ADAMTSL1: variants seen among roughly 807,000 people sequenced by gnomAD.
ADAMTSL1 encodes the protein ADAMTS like 1, also known as ADAMTS-like protein 1.
In ADAMTSL1, 126 loss-of-function variants were observed where a neutral mutation model predicts 201.8. The observed-to-expected ratio is 0.62, with a 90% CI of 0.54 to 0.72. The LOEUF (loss-of-function observed/expected upper bound fraction) is 0.72, where lower values mean the gene tolerates loss of function less well. ADAMTSL1 is among the 30% of genes least tolerant of loss of function. The pLI is 0.00. For synonymous variants in ADAMTSL1, 1,121 were observed against 903.4 expected (o/e 1.24, Z -4.32); for missense variants, 2,679 against 2,277.8 (o/e 1.18, Z -3.59).
At chr9:18,209,292 T>C (rs1420418632) in intron 2 of ADAMTSL1, among the ~76,000 whole-genome samples, 2 of 152,224 alleles carry the variant, frequency 1.3e-5, no homozygotes, top group Admixed American at 6.5e-5. Flanking sequence ...GGTTTATTAT[T>C]ATGCATTATG....
intron 1 of ADAMTSL1, among the ~76,000 whole-genome samples, chr9:17,967,203 T>C (rs1168850890): frequency 6.6e-6 from 1 of 152,160 alleles, no homozygotes; most frequent in Non-Finnish European, 1.5e-5. Flanking sequence ...ACATTCATTC[T>C]TAGAGTTGGA....
At chr9:18,114,971 T>C (rs934451997) in intron 1 of ADAMTSL1, among the ~76,000 whole-genome samples, 12 of 152,212 alleles carry the variant, frequency 7.9e-5, no homozygotes, top group African/African-American at 1.9e-4. Flanking sequence ...CTTTTGCTGA[T>C]ACCTGCAGTG....
At chr9:18,296,044 T>A (rs1833465736) in intron 2 of ADAMTSL1, among the ~76,000 whole-genome samples, 1 of 152,186 alleles carries the variant, frequency 6.6e-6, no homozygotes. Flanking sequence ...TGGCCAAAAA[T>A]GTTTACCTTG....
At chr9:18,612,562 C>G (rs910838479) in intron 4 of ADAMTSL1, among the ~76,000 whole-genome samples, 1 of 152,064 alleles carries the variant, frequency 6.6e-6, no homozygotes, top group Non-Finnish European at 1.5e-5. Flanking sequence ...ATAGAGAACC[C>G]AGAAATAAGA....
At chr9:17,929,762 A>G (rs1246642947) in intron 1 of ADAMTSL1, among the ~76,000 whole-genome samples, 2 of 152,148 alleles carry the variant, frequency 1.3e-5, no homozygotes, top group Non-Finnish European at 2.9e-5. Flanking sequence ...CTGACCCTGG[A>G]CTTCCTTCTG....
At chr9:18,535,065 G>T (rs1034991279) in intron 3 of ADAMTSL1, among the ~76,000 whole-genome samples, 1 of 151,968 alleles carries the variant, frequency 6.6e-6, no homozygotes, top group African/African-American at 2.4e-5. Context: ...CAGCAGGCTT[G>T]AATTTCTCCC....
At chr9:18,324,260 G>A (rs1834737543) in intron 2 of ADAMTSL1, among the ~76,000 whole-genome samples, 1 of 151,992 alleles carries the variant, frequency 6.6e-6, no homozygotes, top group Non-Finnish European at 1.5e-5. Context: ...TAAACATATG[G>A]GAAAAATGAA....
intron 13 of ADAMTSL1, among the ~76,000 whole-genome samples, chr9:18,689,550 A>T (rs1831085695): frequency 6.6e-6 from 1 of 152,206 alleles, no homozygotes. Context: ...AAAGAAAAAA[A>T]GGTATAGTCT....
chr9:18,024,529 T>G (rs1820613539), intron 1 of ADAMTSL1, among the ~76,000 whole-genome samples: 1 of 152,156 alleles, frequency 6.6e-6, no homozygotes, highest in African/African-American at 2.4e-5. Flanking sequence ...TATTTTTCTG[T>G]TTCTGAGTTA....
At position 18,178,165 on chromosome 9, in the gene ADAMTSL1, G is replaced by A. The variant is rs1337474350; in HGVS notation, c.207+14184G>A. Among the ~76,000 whole-genome samples the A allele has an allele frequency of 4.6e-5, 7 of 152,318 alleles. No homozygotes were observed. The East Asian group carries it at 1.2e-3, about 25-fold the overall frequency. On this transcript the variant is annotated intron_variant, in intron 2 of 29. Transcript: ENST00000680146. ...AGACAGTGGGCGCAGGTCAGTGGGTGAGCGCACTGTGCGCGAGCCGAAGCA... is the reference window on the plus strand; with the variant it reads ...AGACAGTGGGCGCAGGTCAGTGGGTAAGCGCACTGTGCGCGAGCCGAAGCA...
chr9:18,707,105 C>G (rs10963730), intron 14 of ADAMTSL1, 57 bp downstream of exon 14: 18 of 1,558,334 alleles, frequency 1.2e-5, no homozygotes, highest in Non-Finnish European at 1.5e-5. Context: ...TTTTCTCTCT[C>G]TGCATGCAGC....
intron 26 of ADAMTSL1, 27 bp from the exon 27 acceptor site, chr9:18,905,755 G>C (rs72692492): frequency 6.3e-6 from 10 of 1,586,072 alleles, no homozygotes; most frequent in South Asian, 3.4e-5. Flanking sequence ...GCTAATGTGC[G>C]GTATGTTACC....
At chr9:17,975,582 G>T (rs1346920591) in intron 1 of ADAMTSL1, among the ~76,000 whole-genome samples, 1 of 151,916 alleles carries the variant, frequency 6.6e-6, no homozygotes, top group Non-Finnish European at 1.5e-5. Flanking sequence ...GGATTTGGGG[G>T]GTCACAAACA....
intron 15 of ADAMTSL1, among the ~76,000 whole-genome samples, chr9:18,739,370 A>G (rs1363936715): frequency 2.0e-5 from 3 of 152,200 alleles, no homozygotes; most frequent in African/African-American, 7.2e-5. Context: ...AGTAAATACA[A>G]CTTAGGGATT....
intron 3 of ADAMTSL1, among the ~76,000 whole-genome samples, chr9:18,537,276 G>A (rs563273031): frequency 6.6e-6 from 1 of 152,300 alleles, no homozygotes; most frequent in East Asian, 1.9e-4. Flanking sequence ...TAAGCTATTG[G>A]TAGCTAGTTC....
At chr9:18,303,086 T>C (rs1037302445) in intron 2 of ADAMTSL1, among the ~76,000 whole-genome samples, 1 of 152,184 alleles carries the variant, frequency 6.6e-6, no homozygotes, top group African/African-American at 2.4e-5. Flanking sequence ...AGATAGAGTA[T>C]GGAAAGTGTC....
chr9:17,961,088 G>A (rs188989334), intron 1 of ADAMTSL1, among the ~76,000 whole-genome samples: 2 of 152,216 alleles, frequency 1.3e-5, no homozygotes, highest in African/African-American at 2.4e-5. Flanking sequence ...TTTGAGGCAG[G>A]TTAGCACAAT....
intron 1 of ADAMTSL1, among the ~76,000 whole-genome samples, chr9:17,954,311 T>C (rs1827846476): frequency 6.6e-6 from 1 of 152,224 alleles, no homozygotes; most frequent in Admixed American, 6.5e-5. Context: ...TGCCACGTTC[T>C]ATTGATCATG....
At chr9:18,256,958 C>T (rs1377724002) in intron 2 of ADAMTSL1, among the ~76,000 whole-genome samples, 1 of 152,188 alleles carries the variant, frequency 6.6e-6, no homozygotes, top group African/African-American at 2.4e-5. Context: ...GTCCCAGAGA[C>T]AGCTGTACCC....
Sources: gnomAD v4.1 joint callset for allele counts (sites outside exome capture counted in the v4.1 genomes callset) on GRCh38, gnomAD v4.1.1 for gene constraint, MANE v1.5 for transcripts, NCBI Gene and HGNC (gene_info 2026-07-23, HGNC 2026-07-21) for gene names.